The following STX1B variants were observed in gnomAD, a reference collection of about 807,000 sequenced individuals.
The protein encoded by STX1B is syntaxin-1B.
STX1B carries 7 observed loss-of-function variants against 39.4 expected under a neutral mutation model. The observed-to-expected ratio is 0.18, with a 90% CI of 0.10 to 0.33. STX1B has a LOEUF of 0.33. Among genes scored for constraint, STX1B ranks in the 10% least tolerant of loss-of-function variants. The probability of loss-of-function intolerance (pLI) is 1.00; values close to 1 mark genes in which losing one functional copy is unlikely to be tolerated. For missense variants in STX1B, 198 were observed against 383.2 expected, an observed-to-expected ratio of 0.52 and a Z score of 4.04; for synonymous variants, 136 against 144.1, an observed-to-expected ratio of 0.94 and a Z score of 0.40.
At chr16:31,004,892 T>C (rs2143684089) in intron 1 of STX1B, among the ~76,000 whole-genome samples, 1 of 152,268 alleles carries the variant, frequency 6.6e-6, no homozygotes, top group East Asian at 1.9e-4. Flanking sequence ...CCCAGGACTG[T>C]CTGGCACTAA....
chr16:31,001,258 CAG>C lies in STX1B; in HGVS notation c.106-67_106-66del. ...GCCAAACAACGGGTTCCAGGGGAAC[CAG>C]CCAGGGTTCAGGGGAATGGACCAGC... On this transcript the variant is annotated intron_variant, in intron 2 of 9. Transcript: ENST00000215095. The surrounding 1 kb of genome is among the most constrained non-coding windows in gnomAD (Gnocchi z 5.5). The C allele has an allele frequency of 1.3e-6, 2 of 1,521,090 alleles. No homozygotes were observed. The highest frequency in any genetic ancestry group is 1.8e-6 in the Non-Finnish European group (2 of 1,105,774). 94.2% of individuals were successfully genotyped at this position (1,521,090 alleles called of 1,614,324 possible).
chr16:30,989,377 T>A lies in STX1B; in HGVS notation c.*3444A>T, dbSNP rs1414716113. ...AAGGGGGGGGCAGGATTTTCCTGTG[T>A]TTTATCCATTTGCAAGTTGGTCACC... On this transcript the variant is annotated 3_prime_UTR_variant, in exon 10 of 10. Coordinates refer to ENST00000215095, the MANE Select transcript of STX1B (RefSeq NM_052874.5). The A allele has an allele frequency of 6.7e-6, 1 of 150,174 alleles. No individual in the cohort carries two copies. Among genetic ancestry groups the A allele is most frequent in the African/African-American group, 2.5e-5 (1 of 40,814 alleles). 9.3% of individuals were successfully genotyped at this position (150,174 alleles called of 1,614,324 possible). A position where few individuals can be genotyped will look rare whatever the true frequency, so the allele number is the denominator to read the frequency against.
chr16:30,991,027 G>A lies in STX1B; in HGVS notation c.*1794C>T, dbSNP rs1433721425. On this transcript the variant is annotated 3_prime_UTR_variant, in exon 10 of 10. Coordinates refer to ENST00000215095, the MANE Select transcript of STX1B (RefSeq NM_052874.5). ...AGCCCAGAGCATCCGATGGGGCAGT[G>A]GGGGACACACAGTCCTCTCCCAGGT... The A allele has an allele frequency of 2.6e-5, 4 of 152,772 alleles. No homozygotes were observed. Among genetic ancestry groups the A allele is most frequent in the South Asian group, 2.1e-4 (1 of 4,834 alleles). 9.5% of individuals were successfully genotyped at this position (152,772 alleles called of 1,614,324 possible). A position where few individuals can be genotyped will look rare whatever the true frequency, so the allele number is the denominator to read the frequency against.
chr16:31,001,262 C>A lies in STX1B; in HGVS notation c.106-69G>T. On this transcript the variant is annotated intron_variant, in intron 2 of 9. Transcript: ENST00000215095. The surrounding 1 kb of genome is among the most constrained non-coding windows in gnomAD (Gnocchi z 5.5). Reference sequence around the variant, plus strand: ...AACAACGGGTTCCAGGGGAACCAGCCAGGGTTCAGGGGAATGGACCAGCCC... The same window carrying A: ...AACAACGGGTTCCAGGGGAACCAGCAAGGGTTCAGGGGAATGGACCAGCCC... 6.8e-7 allele frequency: 1 copy of A among 1,474,340 alleles called. No homozygotes were observed. Among genetic ancestry groups the A allele is most frequent in the Non-Finnish European group, 9.4e-7 (1 of 1,065,380 alleles). The allele number at this position is 1,474,340 out of a possible 1,614,324, so 91.3% of individuals were successfully genotyped here. A position where few individuals can be genotyped will look rare whatever the true frequency, so the allele number is the denominator to read the frequency against.
rs1555493821 is a variant in STX1B at position 30,992,649 on chromosome 16, G to GT, written c.*171_*172insA. 1.8e-5 allele frequency: 9 copies of GT among 489,304 alleles called. No homozygotes were observed. Among genetic ancestry groups the GT allele is most frequent in the Admixed American group, 8.4e-5 (2 of 23,822 alleles). 30.3% of individuals were successfully genotyped at this position (489,304 alleles called of 1,614,324 possible). ...CGATCTACGTGCGGGGACGGGGGGG[G>GT]GGTCCATGGCCCGGTGAGGTCCAGG... On this transcript the variant is annotated 3_prime_UTR_variant, in exon 10 of 10. Transcript: ENST00000215095.
rs780843272 is a variant in STX1B at position 30,993,183 on chromosome 16, G to A, written c.733C>T (p.Arg245Ter). Residue 245 changes from arginine (R) to a stop codon, truncating the protein, a stop_gained, in exon 9 of 10, where the codon CGA (arginine) becomes TGA (stop). Transcript: ENST00000215095. LOFTEE classifies it high-confidence loss of function. ...NVEHSVDYVE[R>*]AVSDTKKAVK... ...GCTTTCTTGGTGTCAGACACAGCTC[G>A]CTCCACGTAGTCCACAGAATGTTCC... The A allele has an allele frequency of 6.2e-7, 1 of 1,614,174 alleles. No homozygotes were observed. Among genetic ancestry groups the A allele is most frequent in the Non-Finnish European group, 8.5e-7 (1 of 1,180,036 alleles).
In STX1B at chr16:30,990,291, C is replaced by G. The variant is rs892548298; in HGVS notation, c.*2530G>C. On this transcript the variant is annotated 3_prime_UTR_variant, in exon 10 of 10. Coordinates refer to ENST00000215095, the MANE Select transcript of STX1B (RefSeq NM_052874.5). ...CTGCTCTGATGTCTCCCAAGCAGCC[C>G]GAGATGGGAGCAGGAGGGCCGTGGC... 6.6e-6 allele frequency: 1 copy of G among 152,202 alleles called. No individual in the cohort carries two copies. Among genetic ancestry groups the G allele is most frequent in the Admixed American group, 6.5e-5 (1 of 15,272 alleles). 9.4% of individuals were successfully genotyped at this position (152,202 alleles called of 1,614,324 possible). A position where few individuals can be genotyped will look rare whatever the true frequency, so the allele number is the denominator to read the frequency against.
At chr16:30,993,849 G>T (rs1331926825) in intron 7 of STX1B, among the ~76,000 whole-genome samples, 1 of 152,174 alleles carries the variant, frequency 6.6e-6, no homozygotes, top group African/African-American at 2.4e-5. Context: ...GCCTGGTGTG[G>T]TGGTGGGCAC....
rs2056555919 is a variant in STX1B at position 30,991,263 on chromosome 16, C to A, written c.*1558G>T. On this transcript the variant is annotated 3_prime_UTR_variant, in exon 10 of 10. Transcript: ENST00000215095. ...ACCTCGGCCTTGCCACGTGTGAGCA[C>A]ACTGAGGGGTACCAGCTTCCAGGGG... 6.5e-6 allele frequency: 1 copy of A among 152,882 alleles called. No homozygotes were observed. The highest frequency in any genetic ancestry group is 2.1e-4 in the South Asian group (1 of 4,834). 9.5% of individuals were successfully genotyped at this position (152,882 alleles called of 1,614,324 possible). A position where few individuals can be genotyped will look rare whatever the true frequency, so the allele number is the denominator to read the frequency against.
rs778453959 is a variant in STX1B at position 31,001,112 on chromosome 16, C to A, written c.187G>T (p.Ala63Ser). The change falls in exon 3 of 10, where the codon GCA (alanine) becomes TCA (serine). Residue 63 changes from alanine to serine, a missense_variant. Ala to Ser is a moderately conservative substitution (Grantham distance 99). Transcript: ENST00000215095. This position sits in a 1 kb window ranked among gnomAD's most constrained non-coding sequence, Gnocchi z 5.5. ...VKKQHSAILA[A>S]PNPDEKTKQE... ...CACTCACTCTCATCTGGGTTGGGTG[C>A]GGCCAGGATGGCGCTATGCTGTTTT... 2.5e-5 allele frequency: 41 copies of A among 1,614,018 alleles called. No individual in the cohort carries two copies. The highest frequency in any genetic ancestry group is 3.2e-5 in the Non-Finnish European group (38 of 1,180,022).
chr16:31,006,619 G>C (rs1284794577), intron 1 of STX1B, among the ~76,000 whole-genome samples: 1 of 152,180 alleles, frequency 6.6e-6, no homozygotes, highest in Admixed American at 6.5e-5. Context: ...AATTGGGGGG[G>C]ATTGTGGAAG....
rs962216350 is a variant in STX1B, at chr16:30,989,893, CGTG to C, written c.*2925_*2927del. 6.6e-6 allele frequency: 1 copy of C among 152,364 alleles called. No homozygotes were observed. Among genetic ancestry groups the C allele is most frequent in the African/African-American group, 2.4e-5 (1 of 41,428 alleles). 9.4% of individuals were successfully genotyped at this position (152,364 alleles called of 1,614,324 possible). A position where few individuals can be genotyped will look rare whatever the true frequency, so the allele number is the denominator to read the frequency against. Reference sequence around the variant, plus strand: ...GGCCCGGGACCACCCGCAGGGCACACGTGGGGCACATGTGGGCTCAATGGTTGC... The same window carrying C: ...GGCCCGGGACCACCCGCAGGGCACACGGGCACATGTGGGCTCAATGGTTGC... On this transcript the variant is annotated 3_prime_UTR_variant, in exon 10 of 10. Coordinates refer to ENST00000215095, the MANE Select transcript of STX1B (RefSeq NM_052874.5).
chr16:30,992,765 G>T lies in STX1B; in HGVS notation c.*56C>A. Reference sequence around the variant, plus strand: ...GGATGGAGTGAAAGGGGTGGTGGGGGTATTGCTCCCGATGTGGTGGGGGAA... The same window carrying T: ...GGATGGAGTGAAAGGGGTGGTGGGGTTATTGCTCCCGATGTGGTGGGGGAA... On this transcript the variant is annotated 3_prime_UTR_variant, in exon 10 of 10. Transcript: ENST00000215095. 4 of 1,063,048 alleles carry T rather than the reference G, an allele frequency of 3.8e-6. No homozygotes were observed. The highest frequency in any genetic ancestry group is 5.7e-6 in the Non-Finnish European group (4 of 704,796). 65.9% of individuals were successfully genotyped at this position (1,063,048 alleles called of 1,614,324 possible). A position where few individuals can be genotyped will look rare whatever the true frequency, so the allele number is the denominator to read the frequency against.
In STX1B at chr16:31,001,122, G is replaced by A. The variant is rs774636441; in HGVS notation, c.177C>T (p.Ala59=). ...DVEQVKKQHS[A]ILAAPNPDEK... is the part of the protein sequence containing the mutation. The stretch of plus-strand genomic sequence containing the variant: ...CATCTGGGTTGGGTGCGGCCAGGAT[G>A]GCGCTATGCTGTTTTTTCACCTGCT... Residue 59 remains alanine (A), a synonymous_variant, in exon 3 of 10, where the codon GCC becomes GCT. Transcript: ENST00000215095. The surrounding 1 kb of genome is among the most constrained non-coding windows in gnomAD (Gnocchi z 5.5). 6.2e-7 allele frequency: 1 copy of A among 1,614,152 alleles called. No homozygotes were observed. The highest frequency in any genetic ancestry group is 1.1e-5 in the South Asian group (1 of 91,082).
intron 7 of STX1B, among the ~76,000 whole-genome samples, chr16:30,995,961 G>A (rs1039240233): frequency 6.6e-6 from 1 of 152,076 alleles, no homozygotes; most frequent in Non-Finnish European, 1.5e-5. Context: ...CAGATTATTC[G>A]AGCCCAGAAG....
chr16:30,995,151 T>C (rs895107557), intron 7 of STX1B, among the ~76,000 whole-genome samples: 3 of 152,130 alleles, frequency 2.0e-5, no homozygotes, highest in African/African-American at 7.2e-5. Flanking sequence ...AAAAAACATT[T>C]TTTTTGTAGA....
At chr16:31,003,033 G>C (rs1422478090) in intron 1 of STX1B, among the ~76,000 whole-genome samples, 1 of 152,166 alleles carries the variant, frequency 6.6e-6, no homozygotes, top group African/African-American at 2.4e-5. Flanking sequence ...GACAGGGCCA[G>C]ATGGGACCTA....
At chr16:30,995,836 A>G (rs2056588973) in intron 7 of STX1B, among the ~76,000 whole-genome samples, 1 of 152,200 alleles carries the variant, frequency 6.6e-6, no homozygotes, top group Non-Finnish European at 1.5e-5. Context: ...CACAGGGGAC[A>G]AAACCTAAGC....
chr16:30,992,950 A>G (rs763593579), intron 9 of STX1B, 49 bp from the exon 10 acceptor site: 12 of 1,510,818 alleles, frequency 7.9e-6, no homozygotes, highest in Non-Finnish European at 6.4e-6. Context: ...AGAGATCGAC[A>G]CACGGACAGA....
Sources: gnomAD v4.1 joint callset for allele counts (sites outside exome capture counted in the v4.1 genomes callset) on GRCh38, gnomAD v4.1.1 for gene constraint, Gnocchi (gnomAD v3.1) non-coding constraint, MANE v1.5 for transcripts, NCBI Gene and HGNC (gene_info 2026-07-23, HGNC 2026-07-21) for gene names.